The following TICAM2 variants were observed in gnomAD, a reference collection of about 807,000 sequenced individuals.
The protein encoded by TICAM2 is TIR domain containing adaptor molecule 2.
A neutral mutation model predicts 7.3 loss-of-function variants in TICAM2; 8 were observed. The observed-to-expected ratio is 1.10, with a 90% CI of 0.65 to 1.99. The LOEUF is 1.99. Among genes scored for constraint, TICAM2 ranks in the 30% most tolerant of loss-of-function variants. The pLI is 0.00. For synonymous variants in TICAM2, 113 were observed against 99.6 expected, an observed-to-expected ratio of 1.13 and a Z score of -0.80; for missense variants, 304 against 278.8, an observed-to-expected ratio of 1.09 and a Z score of -0.65.
intron 1 of TICAM2, among the ~76,000 whole-genome samples, chr5:115,583,060 CAT>C (rs1402546092): frequency 2.0e-5 from 3 of 152,254 alleles, no homozygotes; most frequent in African/African-American, 7.2e-5. Context: ...TAAAATGTGA[CAT>C]ATATCCATCC....
intron 1 of TICAM2, among the ~76,000 whole-genome samples, chr5:115,591,109 A>G (rs764456424): frequency 6.6e-6 from 1 of 152,234 alleles, no homozygotes; most frequent in African/African-American, 2.4e-5. Context: ...AACTAATGAC[A>G]TAGTGAAGAA....
chr5:115,601,601 C>G (rs1755744237), intron 1 of TICAM2, among the ~76,000 whole-genome samples: 1 of 151,980 alleles, frequency 6.6e-6, no homozygotes, highest in Non-Finnish European at 1.5e-5. Flanking sequence ...TTTTAAAATA[C>G]TTTCTTTAAG....
chr5:115,594,313 C>A (rs1755424654), intron 1 of TICAM2, among the ~76,000 whole-genome samples: 1 of 152,234 alleles, frequency 6.6e-6, no homozygotes, highest in Non-Finnish European at 1.5e-5. Context: ...TGTATACATA[C>A]ATATTCACAT....
chr5:115,599,322 T>C (rs1006258554), intron 1 of TICAM2, among the ~76,000 whole-genome samples: 1 of 152,164 alleles, frequency 6.6e-6, no homozygotes, highest in Non-Finnish European at 1.5e-5. Flanking sequence ...CCAAATATTA[T>C]TACATATTCT....
chr5:115,587,942 C>T (rs559904043), intron 1 of TICAM2, among the ~76,000 whole-genome samples: 10 of 152,152 alleles, frequency 6.6e-5, no homozygotes, highest in South Asian at 6.2e-4. Flanking sequence ...GGGCCCATAA[C>T]GGAACAGGAG....
chr5:115,596,645 C>A (rs760154185), intron 1 of TICAM2, among the ~76,000 whole-genome samples: 2 of 152,148 alleles, frequency 1.3e-5, no homozygotes, highest in Admixed American at 6.5e-5. Context: ...CTTGGCTGGG[C>A]GCGGTGGCTC....
Position 115,580,732 on chromosome 5 carries a change from G to A in TICAM2, c.525C>T (p.Pro175=). The part of the protein sequence containing the change: ...HKYNSVIPMR[P]LNNPLPRERT... ...TTTCTCGGGGAAGGGGATTGTTCAG[G>A]GGCCGCATGGGTATAACAGAGTTGT... The change falls in exon 2 of 2, where the codon CCC becomes CCT. Residue 175 remains proline (P), a synonymous_variant. Transcript: ENST00000427199. The A allele has an allele frequency of 6.2e-7, 1 of 1,602,158 alleles. No homozygotes were observed. The highest frequency in any genetic ancestry group is 1.1e-5 in the South Asian group (1 of 89,148).
At chr5:115,586,864 AACAAG>A (rs2127195903) in intron 1 of TICAM2, among the ~76,000 whole-genome samples, 1 of 152,342 alleles carries the variant, frequency 6.6e-6, no homozygotes, top group Non-Finnish European at 1.5e-5. Context: ...AGGATAATTA[AACAAG>A]ACAATTAGGA....
rs1754893873 is a variant in TICAM2, at chr5:115,580,840, C to G, written c.417G>C (p.Leu139=). 1.2e-6 allele frequency: 2 copies of G among 1,606,588 alleles called. No homozygotes were observed. The highest frequency in any genetic ancestry group is 1.7e-6 in the Non-Finnish European group (2 of 1,175,792). ...AAGTATCTCTTAAAAAGTTTTCAGT[C>G]AGTAATAAGATTGTCCATGCAGACC... ...VNGSAWTILL[L]TENFLRDTWC... is the part of the protein sequence containing the mutation. The change falls in exon 2 of 2, where the codon CTG becomes CTC. Residue 139 remains leucine, a synonymous_variant. Coordinates refer to ENST00000427199, the MANE Select transcript of TICAM2 (RefSeq NM_021649.7).
chr5:115,588,182 C>T (rs551946180), intron 1 of TICAM2, among the ~76,000 whole-genome samples: 2 of 152,286 alleles, frequency 1.3e-5, no homozygotes, highest in African/African-American at 4.8e-5. Flanking sequence ...ACTTGGAATG[C>T]TTACGAACTG....
Position 115,581,055 on chromosome 5 carries a change from T to C in TICAM2, c.202A>G (p.Met68Val), listed in dbSNP as rs138230475. The change falls in exon 2 of 2, where the codon ATG (methionine) becomes GTG (valine). Residue 68 changes from methionine (M) to valine (V), a missense_variant. Physicochemically the swap from Met to Val is conservative, Grantham distance 21. Transcript: ENST00000427199. Reference sequence around the variant, plus strand: ...TCTTCTTCAGCTTCTTCTTCAAACATCTCTTCCACGCTCTGAGCTCCCTCC... The same window carrying C: ...TCTTCTTCAGCTTCTTCTTCAAACACCTCTTCCACGCTCTGAGCTCCCTCC... ...KQEGAQSVEE[M>V]FEEEAEEEVF... is the part of the protein sequence containing the mutation. 1.2e-6 allele frequency: 2 copies of C among 1,614,178 alleles called. No homozygotes were observed. Among genetic ancestry groups the C allele is most frequent in the African/African-American group, 2.7e-5 (2 of 75,036 alleles).
intron 1 of TICAM2, among the ~76,000 whole-genome samples, chr5:115,585,661 A>C (rs370804208): frequency 2.0e-5 from 3 of 152,242 alleles, no homozygotes; most frequent in African/African-American, 7.2e-5. Flanking sequence ...TCCAAACACT[A>C]TAAGGAAAAT....
intron 1 of TICAM2, among the ~76,000 whole-genome samples, chr5:115,594,321 C>T (rs1580416818): frequency 6.6e-6 from 1 of 152,308 alleles, no homozygotes; most frequent in African/African-American, 2.4e-5. Flanking sequence ...TACATATTCA[C>T]ATACACCCAA....
At chr5:115,583,322 G>A (rs1387655693) in intron 1 of TICAM2, among the ~76,000 whole-genome samples, 3 of 152,168 alleles carry the variant, frequency 2.0e-5, no homozygotes, top group East Asian at 1.9e-4. Context: ...TGCTTTGAAG[G>A]AATATAACAG....
At chr5:115,601,532 C>G (rs1755740294) in intron 1 of TICAM2, among the ~76,000 whole-genome samples, 1 of 152,126 alleles carries the variant, frequency 6.6e-6, no homozygotes, top group Non-Finnish European at 1.5e-5. Flanking sequence ...TAGCCTTTCC[C>G]ACCCTTGCTT....
At chr5:115,587,799 A>C (rs927125820) in intron 1 of TICAM2, among the ~76,000 whole-genome samples, 1 of 152,204 alleles carries the variant, frequency 6.6e-6, no homozygotes, top group Non-Finnish European at 1.5e-5. Context: ...GGGGCATAAA[A>C]GAGCATCTTA....
chr5:115,581,028 C>T lies in TICAM2; in HGVS notation c.229G>A (p.Val77Met). ...TGCAATATCACAAATTTGAGGAACA[C>T]CTCTTCTTCAGCTTCTTCTTCAAAC... ...EMFEEEAEEE[V>M]FLKFVILHAE... is the part of the protein sequence containing the mutation. The change falls in exon 2 of 2, where the codon GTG becomes ATG. Residue 77 changes from valine to methionine, a missense_variant. Val to Met is a conservative substitution (Grantham distance 21). Transcript: ENST00000427199. 1.9e-6 allele frequency: 3 copies of T among 1,614,096 alleles called. No individual in the cohort carries two copies. The highest frequency in any genetic ancestry group is 2.2e-5 in the South Asian group (2 of 91,074).
At chr5:115,581,504 C>T (rs376680952) in intron 1 of TICAM2, among the ~76,000 whole-genome samples, 189 bp from the exon 2 acceptor site, 3 of 151,888 alleles carry the variant, frequency 2.0e-5, no homozygotes, top group African/African-American at 4.8e-5. Context: ...TCACAGGCAG[C>T]GAAGGGAACA....
chr5:115,584,608 TA>T (rs1464829735), intron 1 of TICAM2, among the ~76,000 whole-genome samples: 1 of 152,180 alleles, frequency 6.6e-6, no homozygotes, highest in Non-Finnish European at 1.5e-5. Context: ...GAGCCTTTTT[TA>T]AAAAAACTTA....
Sources: allele counts gnomAD v4.1 joint callset (sites outside exome capture counted in the v4.1 genomes callset), GRCh38; gene constraint gnomAD v4.1.1; transcripts MANE v1.5; gene names NCBI Gene and HGNC (gene_info 2026-07-23, HGNC 2026-07-21).